DCT: variants seen among roughly 807,000 people sequenced by gnomAD.
The protein encoded by DCT is L-dopachrome tautomerase.
DCT carries 47 observed loss-of-function variants against 53.0 expected under a neutral mutation model. The observed-to-expected ratio is 0.89, with a 90% CI of 0.70 to 1.13. The LOEUF (loss-of-function observed/expected upper bound fraction) is 1.13. Ranked by LOEUF, DCT falls within the 50% of genes most tolerant of loss-of-function variation. DCT has a pLI of 0.00. For synonymous variants in DCT, 244 were observed against 237.0 expected, an observed-to-expected ratio of 1.03 and a Z score of -0.27; for missense variants, 669 against 637.4, an observed-to-expected ratio of 1.05 and a Z score of -0.53.
At chr13:94,516,049 A>T in the DCT span, among the ~76,000 whole-genome samples, 1 of 29,344 alleles carries the variant, frequency 3.4e-5, no homozygotes, top group South Asian at 1.7e-3. Context: ...CCCCACCCCC[A>T]CCCACCGTCT....
At chr13:94,509,279 G>T in the DCT span, among the ~76,000 whole-genome samples, 1 of 152,148 alleles carries the variant, frequency 6.6e-6, no homozygotes, top group Non-Finnish European at 1.5e-5. Context: ...ATGGTGGGTA[G>T]GATGTCAGCT....
the DCT span, among the ~76,000 whole-genome samples, chr13:94,543,065 C>T: frequency 5.3e-5 from 8 of 152,138 alleles, no homozygotes; most frequent in African/African-American, 1.9e-4. Context: ...GGCCTCTAAC[C>T]GGACAGGGTT....
the DCT span, among the ~76,000 whole-genome samples, chr13:94,509,444 A>T: frequency 6.7e-6 from 1 of 149,440 alleles, no homozygotes; most frequent in Non-Finnish European, 1.5e-5. Flanking sequence ...CACACAGAGG[A>T]GTGTGACCAT....
chr13:94,543,001 T>C, the DCT span, among the ~76,000 whole-genome samples: 1 of 152,188 alleles, frequency 6.6e-6, no homozygotes, highest in Non-Finnish European at 1.5e-5. Context: ...GAAAAAATTC[T>C]TTGACATAGA....
the DCT span, among the ~76,000 whole-genome samples, chr13:94,501,201 G>A: frequency 5.9e-5 from 9 of 152,052 alleles, no homozygotes; most frequent in East Asian, 1.9e-4. Context: ...CCCGGGAGGC[G>A]GAGCTTGCAG....
At chr13:94,530,003 C>T in the DCT span, among the ~76,000 whole-genome samples, 1 of 152,190 alleles carries the variant, frequency 6.6e-6, no homozygotes, top group South Asian at 2.1e-4. Flanking sequence ...CTATAAACAC[C>T]TCTATGCAAA....
chr13:94,547,321 T>A, the DCT span, among the ~76,000 whole-genome samples: 1 of 152,030 alleles, frequency 6.6e-6, no homozygotes, highest in African/African-American at 2.4e-5. Flanking sequence ...TTCACCATGT[T>A]GGCCAGGCTG....
At chr13:94,536,538 T>C in the DCT span, among the ~76,000 whole-genome samples, 1 of 152,178 alleles carries the variant, frequency 6.6e-6, no homozygotes, top group African/African-American at 2.4e-5. Flanking sequence ...ATATTCAGTC[T>C]ATGAGTTTTC....
At chr13:94,463,565 C>T (rs1883962370) in intron 4 of DCT, among the ~76,000 whole-genome samples, 2 of 151,960 alleles carry the variant, frequency 1.3e-5, no homozygotes, top group South Asian at 4.2e-4. Flanking sequence ...GCTGAGATTA[C>T]AGGCGTGAGC....
chr13:94,519,988 A>G, the DCT span, among the ~76,000 whole-genome samples: 1 of 152,192 alleles, frequency 6.6e-6, no homozygotes, highest in Admixed American at 6.5e-5. Flanking sequence ...TGACTCTAAG[A>G]TGTCTCTCTG....
the DCT span, among the ~76,000 whole-genome samples, chr13:94,545,042 C>T: frequency 6.6e-6 from 1 of 152,152 alleles, no homozygotes; most frequent in African/African-American, 2.4e-5. Flanking sequence ...CCACCCTTCA[C>T]CCTTCATAGC....
intron 6 of DCT, among the ~76,000 whole-genome samples, chr13:94,457,256 T>C (rs1381311511): frequency 6.6e-6 from 1 of 152,256 alleles, no homozygotes; most frequent in East Asian, 1.9e-4. Flanking sequence ...ACCCACAATG[T>C]GACTATACTT....
the DCT span, among the ~76,000 whole-genome samples, chr13:94,546,817 T>C: frequency 6.6e-6 from 1 of 151,998 alleles, no homozygotes; most frequent in African/African-American, 2.4e-5. The surrounding 1 kb of genome is among the most constrained non-coding windows in gnomAD (Gnocchi z 4.2). Context: ...AGAGGCAAAA[T>C]GGCAGCATTT....
chr13:94,444,325 C>A, intron 6 of DCT: 2 of 490,008 alleles, frequency 4.1e-6, no homozygotes, highest in South Asian at 1.5e-5. Context: ...CAATCTGTAT[C>A]AATATTATAA....
chr13:94,527,582 T>C, the DCT span, among the ~76,000 whole-genome samples: 2 of 152,160 alleles, frequency 1.3e-5, no homozygotes, highest in Admixed American at 1.3e-4. Context: ...CGGAAAGGAA[T>C]AGCATCAACA....
intron 4 of DCT, among the ~76,000 whole-genome samples, chr13:94,464,579 G>T (rs2139336637): frequency 6.6e-6 from 1 of 152,040 alleles, no homozygotes. Context: ...GTCGGAGGTT[G>T]CAGTGAGCCG....
the DCT span, among the ~76,000 whole-genome samples, chr13:94,494,842 TC>T: frequency 2.0e-5 from 3 of 152,316 alleles, no homozygotes; most frequent in Non-Finnish European, 4.4e-5. Flanking sequence ...CATTATTTTT[TC>T]CATTTAACAA....
At chr13:94,472,562 ATATATATTTTTTTTTTTTTTT>A (rs1884799459) in intron 1 of DCT, among the ~76,000 whole-genome samples, 1 of 19,084 alleles carries the variant, frequency 5.2e-5, no homozygotes, top group Non-Finnish European at 8.5e-5. Flanking sequence ...ATATATATAT[ATATATATTTTTTTTTTTTTTT>A]TTTTTTTTTT....
At chr13:94,466,383 C>G (rs775224809) in intron 3 of DCT, among the ~76,000 whole-genome samples, 175 bp downstream of exon 3, 4 of 151,884 alleles carry the variant, frequency 2.6e-5, no homozygotes, top group African/African-American at 4.8e-5. Flanking sequence ...ACCACACACA[C>G]ACAAAAAGAG....
Sources: gnomAD v4.1 joint callset for allele counts (sites outside exome capture counted in the v4.1 genomes callset) on GRCh38, gnomAD v4.1.1 for gene constraint, Gnocchi (gnomAD v3.1) non-coding constraint, MANE v1.5 for transcripts, NCBI Gene and HGNC (gene_info 2026-07-23, HGNC 2026-07-21) for gene names.